NEBL: variants seen among roughly 807,000 people sequenced by gnomAD.
NEBL encodes LIM and SH3 protein 2.
A neutral mutation model predicts 140.2 loss-of-function variants in NEBL; 122 were observed. The ratio of observed to expected loss-of-function variants is 0.87; its 90% CI spans 0.75 to 1.01. The LOEUF is 1.01. Ranked by LOEUF, NEBL falls within the 50% of genes least tolerant of loss-of-function variation. The pLI, the probability that NEBL is intolerant of heterozygous loss-of-function variation, is 0.00. For missense variants in NEBL, 1,365 were observed against 1,231.3 expected (o/e 1.11, Z -1.62); for synonymous variants, 436 against 398.9 (o/e 1.09, Z -1.11).
intron 1 of NEBL, among the ~76,000 whole-genome samples, chr10:21,265,783 T>C (rs1842790553): frequency 6.6e-6 from 1 of 152,212 alleles, no homozygotes; most frequent in South Asian, 2.1e-4. Context: ...ACTACTCAAC[T>C]CTACCACTGG....
intron 4 of NEBL, among the ~76,000 whole-genome samples, chr10:20,959,255 C>T (rs1294968059): frequency 6.6e-6 from 1 of 152,154 alleles, no homozygotes; most frequent in Non-Finnish European, 1.5e-5. Flanking sequence ...ATGCAAGACT[C>T]ACAAATTTCA....
rs1184044382 is a variant in NEBL, at chr10:20,840,988, C to T, written c.1228-139G>A. On this transcript the variant is annotated intron_variant, in intron 12 of 27. Transcript: ENST00000377122. ...TGAATCACACAGCTAAGTATTCATG[C>T]TTTTTTCCTACAGACACTTCATTTT... 10 of 646,696 alleles carry T rather than the reference C, an allele frequency of 1.5e-5. 1 individual carries two copies. Among genetic ancestry groups the T allele is most frequent in the Admixed American group, 7.5e-5 (3 of 40,194 alleles). 40.1% of individuals were successfully genotyped at this position (646,696 alleles called of 1,614,324 possible).
intron 2 of NEBL, among the ~76,000 whole-genome samples, chr10:21,138,214 G>A (rs143003054): frequency 3.9e-5 from 6 of 152,188 alleles, no homozygotes; most frequent in Non-Finnish European, 5.9e-5. Context: ...CCAACTCACC[G>A]TAAACACTGC....
At chr10:21,181,629 G>C (rs115616743) in intron 3 of NEBL, among the ~76,000 whole-genome samples, 1 of 152,150 alleles carries the variant, frequency 6.6e-6, no homozygotes, top group Admixed American at 6.5e-5. Context: ...TGACCTTTCC[G>C]GGTGAGCTTC....
chr10:21,009,965 A>T (rs2131737029), intron 3 of NEBL, among the ~76,000 whole-genome samples: 1 of 152,306 alleles, frequency 6.6e-6, no homozygotes, highest in East Asian at 1.9e-4. Flanking sequence ...CCCTAGAGTT[A>T]TCTCCAAGAG....
chr10:20,842,275 A>C (rs2130983425), intron 12 of NEBL, among the ~76,000 whole-genome samples: 1 of 152,236 alleles, frequency 6.6e-6, no homozygotes. Flanking sequence ...GACCTCTTTC[A>C]TTTATTTCGT....
At chr10:21,067,936 AC>A (rs1835643647) in intron 2 of NEBL, among the ~76,000 whole-genome samples, 1 of 152,110 alleles carries the variant, frequency 6.6e-6, no homozygotes, top group Non-Finnish European at 1.5e-5. Flanking sequence ...CCGTGACTGC[AC>A]CATGCACTCC....
At chr10:21,030,169 G>C (rs953650297) in intron 2 of NEBL, 2 of 484,992 alleles carry the variant, frequency 4.1e-6, no homozygotes, top group African/African-American at 4.0e-5. Flanking sequence ...AAGATAAGTT[G>C]CAGCATCAGC....
chr10:21,250,807 C>T (rs956882772), intron 2 of NEBL, among the ~76,000 whole-genome samples: 5 of 151,964 alleles, frequency 3.3e-5, no homozygotes, highest in Non-Finnish European at 5.9e-5. Context: ...GCAGGAGAAT[C>T]ACTTGAACCC....
chr10:20,895,153 A>G (rs1847368614), intron 2 of NEBL, among the ~76,000 whole-genome samples: 1 of 152,146 alleles, frequency 6.6e-6, no homozygotes, highest in South Asian at 2.1e-4. Context: ...AATCTTATCC[A>G]AAACAACTCC....
intron 3 of NEBL, among the ~76,000 whole-genome samples, chr10:21,209,660 T>C (rs1274364945): frequency 3.7e-4 from 54 of 146,314 alleles, no homozygotes; most frequent in African/African-American, 8.1e-4. Flanking sequence ...TTTTTTTTTT[T>C]CTTTTTTTTT....
intron 14 of NEBL, among the ~76,000 whole-genome samples, chr10:20,833,064 T>C (rs745674611): frequency 3.9e-5 from 6 of 152,202 alleles, no homozygotes; most frequent in African/African-American, 7.2e-5. Flanking sequence ...TTTTTTAATA[T>C]GAACTTTCAA....
chr10:21,100,759 T>C (rs1741908189), intron 2 of NEBL, among the ~76,000 whole-genome samples: 1 of 152,218 alleles, frequency 6.6e-6, no homozygotes, highest in South Asian at 2.1e-4. Context: ...CTTCATTCTA[T>C]ATCCTTCCAT....
intron 2 of NEBL, among the ~76,000 whole-genome samples, chr10:21,101,271 T>A (rs1837465177): frequency 6.6e-6 from 1 of 152,266 alleles, no homozygotes; most frequent in Non-Finnish European, 1.5e-5. Context: ...TCCCTGTGGC[T>A]AAGGCTGCTA....
At chr10:20,991,293 A>C (rs917365735) in intron 3 of NEBL, among the ~76,000 whole-genome samples, 2 of 152,154 alleles carry the variant, frequency 1.3e-5, no homozygotes, top group Admixed American at 1.3e-4. Flanking sequence ...GCTTGATGAC[A>C]AAAAATGTTG....
chr10:21,166,219 CAAAAAAAAAAAAAAAAAA>C (rs1170225891), intron 2 of NEBL, among the ~76,000 whole-genome samples: 2 of 35,378 alleles, frequency 5.7e-5, no homozygotes, highest in African/African-American at 8.3e-5. Flanking sequence ...GACTGTGTCT[CAAAAAAAAAAAAAAAAAA>C]AAAAAAAAGA....
intron 26 of NEBL, 81 bp downstream of exon 26, chr10:20,808,429 G>T: frequency 7.0e-7 from 1 of 1,435,720 alleles, no homozygotes; most frequent in Non-Finnish European, 9.8e-7. Flanking sequence ...TCATGCAAAA[G>T]TGAAAAGAAT....
chr10:21,031,884 T>C (rs1269369906), intron 2 of NEBL, among the ~76,000 whole-genome samples: 3 of 152,214 alleles, frequency 2.0e-5, no homozygotes, highest in Non-Finnish European at 4.4e-5. Context: ...TCACATTCAT[T>C]GCACATAAAA....
At chr10:21,268,538 T>C (rs1397147226) in intron 1 of NEBL, among the ~76,000 whole-genome samples, 1 of 135,774 alleles carries the variant, frequency 7.4e-6, no homozygotes, top group Non-Finnish European at 1.6e-5. Context: ...TTTTTTTTTT[T>C]TGGGAGATGG....
Sources: gnomAD v4.1 joint callset for allele counts (sites outside exome capture counted in the v4.1 genomes callset) on GRCh38, gnomAD v4.1.1 for gene constraint, MANE v1.5 for transcripts, NCBI Gene and HGNC (gene_info 2026-07-23, HGNC 2026-07-21) for gene names.